SHTN1: variants seen among roughly 807,000 people sequenced by gnomAD.
SHTN1 encodes the protein shootin-1.
A neutral mutation model predicts 83.1 loss-of-function variants in SHTN1; 42 were observed. The observed-to-expected ratio is 0.51, with a 90% CI of 0.39 to 0.65. The LOEUF (loss-of-function observed/expected upper bound fraction) is 0.65, where lower values mean the gene tolerates loss of function less well. Ranked by LOEUF, SHTN1 falls within the 30% of genes least tolerant of loss-of-function variation. SHTN1 has a pLI of 0.00. For synonymous variants in SHTN1, 224 were observed against 247.7 expected (o/e 0.90, Z 0.90); for missense variants, 622 against 737.8 (o/e 0.84, Z 1.82).
In SHTN1 at chr10:116,881,583, G is replaced by T. The variant is rs554613098; in HGVS notation, c.*4761C>A. The T allele has an allele frequency of 1.9e-6, 3 of 1,550,384 alleles. No individual in the cohort carries two copies. In the African/African-American group the frequency reaches 4.1e-5, roughly 21 times the overall value. ...TGAAAAGGCTGCGGAGGCACTTGAG[G>T]CTGCTGCGGCTAGGGAGCCGCTGGT... is the stretch of plus-strand genomic sequence containing the variant. On this transcript the variant is annotated 3_prime_UTR_variant, in exon 17 of 17. Coordinates refer to ENST00000355371, the MANE Select transcript of SHTN1 (RefSeq NM_001127211.3).
At chr10:117,093,877 G>C (rs1853469622) in intron 1 of SHTN1, among the ~76,000 whole-genome samples, 1 of 152,158 alleles carries the variant, frequency 6.6e-6, no homozygotes, top group South Asian at 2.1e-4. Context: ...TTTCTGTCAA[G>C]GGTAGTTGTG....
intron 16 of SHTN1, among the ~76,000 whole-genome samples, chr10:116,898,966 A>G (rs1414021688): frequency 6.6e-6 from 1 of 152,212 alleles, no homozygotes; most frequent in Non-Finnish European, 1.5e-5. Context: ...GAATTTATTG[A>G]AAGAAAAAAA....
chr10:116,908,502 T>C (rs1282399293), intron 14 of SHTN1, among the ~76,000 whole-genome samples: 1 of 152,142 alleles, frequency 6.6e-6, no homozygotes, highest in African/African-American at 2.4e-5. Context: ...TATTCCCATA[T>C]CATTTGTATT....
At chr10:117,024,604 C>T (rs1188839325) in intron 2 of SHTN1, among the ~76,000 whole-genome samples, 1 of 151,878 alleles carries the variant, frequency 6.6e-6, no homozygotes, top group Non-Finnish European at 1.5e-5. Flanking sequence ...GTGATCCGCC[C>T]GCCTCAGCCT....
At chr10:116,895,829 T>G (rs1847497885) in intron 16 of SHTN1, among the ~76,000 whole-genome samples, 1 of 152,220 alleles carries the variant, frequency 6.6e-6, no homozygotes. Context: ...GTTGTTTACC[T>G]CACTGAGCCT....
intron 1 of SHTN1, among the ~76,000 whole-genome samples, chr10:117,118,068 A>C (rs1853873473): frequency 6.6e-6 from 1 of 152,210 alleles, no homozygotes. Context: ...AAGCTTCTGC[A>C]CAGCAAAGGA....
chr10:117,120,391 G>A (rs1399824197), intron 1 of SHTN1, among the ~76,000 whole-genome samples: 1 of 151,520 alleles, frequency 6.6e-6, no homozygotes, highest in Non-Finnish European at 1.5e-5. Flanking sequence ...GGGACTACAG[G>A]CACCCGCCAC....
chr10:116,945,426 T>G (rs1849541159), intron 7 of SHTN1, among the ~76,000 whole-genome samples: 1 of 152,194 alleles, frequency 6.6e-6, no homozygotes, highest in Non-Finnish European at 1.5e-5. Context: ...ACTTAGTAAA[T>G]GGAAAGACAT....
At chr10:117,012,012 G>A (rs1325440041) in intron 2 of SHTN1, among the ~76,000 whole-genome samples, 1 of 151,804 alleles carries the variant, frequency 6.6e-6, no homozygotes, top group Non-Finnish European at 1.5e-5. Flanking sequence ...TGGTGGCGGG[G>A]CCTGTAGTCC....
In SHTN1 at chr10:116,886,091, C is replaced by A; in HGVS notation, c.*253G>T. 1 of 513,132 alleles carries A rather than the reference C, an allele frequency of 1.9e-6. No homozygotes were observed. The highest frequency in any genetic ancestry group is 3.4e-6 in the Non-Finnish European group (1 of 294,130). The allele number at this position is 513,132 out of a possible 1,614,324, so 31.8% of individuals were successfully genotyped here. On this transcript the variant is annotated 3_prime_UTR_variant, in exon 17 of 17. Transcript: ENST00000355371. ...TTGTAACCTTCTAAAAGAAGTCATACTTAATACAGTAACTAGGAAAAAAAC... is the reference window on the plus strand; with the variant it reads ...TTGTAACCTTCTAAAAGAAGTCATAATTAATACAGTAACTAGGAAAAAAAC...
chr10:116,988,380 T>C (rs1215242453), intron 1 of SHTN1, among the ~76,000 whole-genome samples: 1 of 151,672 alleles, frequency 6.6e-6, no homozygotes, highest in African/African-American at 2.4e-5. Context: ...GAATCAAGCC[T>C]AAAGGATCTT....
intron 1 of SHTN1, among the ~76,000 whole-genome samples, chr10:117,065,256 TG>T (rs1421935653): frequency 5.3e-5 from 8 of 152,092 alleles, no homozygotes; most frequent in Admixed American, 2.0e-4. Context: ...AAAACCACCA[TG>T]GCATGTGTGT....
At chr10:116,900,461 A>G in intron 16 of SHTN1, 3 of 1,289,322 alleles carry the variant, frequency 2.3e-6, no homozygotes, top group African/African-American at 2.9e-5. Flanking sequence ...TTTCTTGGAA[A>G]TGTAATTTCC....
rs1468579942 is a variant in SHTN1 at position 116,913,343 on chromosome 10, G to A, written c.1306-1500C>T. Among the ~76,000 whole-genome samples the A allele has an allele frequency of 3.3e-5, 5 of 152,296 alleles. No individual in the cohort carries two copies. In the East Asian group the frequency reaches 9.7e-4, roughly 29 times the overall value. On this transcript the variant is annotated intron_variant, in intron 13 of 16. Transcript: ENST00000355371. ...AGACGTCTGTCCTCAAGCATGCAGT[G>A]ACAATTTGTTTTAAAGGTTATTGAC...
At chr10:116,899,546 T>TGTGAGA (rs1311755308) in intron 16 of SHTN1, among the ~76,000 whole-genome samples, 4 of 123,898 alleles carry the variant, frequency 3.2e-5, no homozygotes, top group African/African-American at 1.2e-4. Context: ...TGTGTGTGTG[T>TGTGAGA]GAGAGAGTGC....
chr10:116,891,480 G>A (rs763073849), intron 16 of SHTN1, among the ~76,000 whole-genome samples: 41 of 152,128 alleles, frequency 2.7e-4, no homozygotes, highest in African/African-American at 5.3e-4. Flanking sequence ...GGATAAAACC[G>A]CAACCATATT....
chr10:116,890,684 C>A (rs747490597), intron 16 of SHTN1, among the ~76,000 whole-genome samples: 2 of 152,190 alleles, frequency 1.3e-5, no homozygotes, highest in African/African-American at 4.8e-5. Flanking sequence ...ACTTGGGTGA[C>A]CTTTTAGAAA....
chr10:116,927,747 G>A, intron 11 of SHTN1, 45 bp downstream of exon 11: 1 of 1,461,506 alleles, frequency 6.8e-7, no homozygotes, highest in East Asian at 2.6e-5. Context: ...ACAATCTGAT[G>A]GAGAAGAACA....
intron 1 of SHTN1, among the ~76,000 whole-genome samples, chr10:117,065,860 G>C (rs956020314): frequency 2.0e-5 from 2 of 97,898 alleles, no homozygotes; most frequent in African/African-American, 9.1e-5. Flanking sequence ...AAGGAAAGGA[G>C]GGAGGGAGGG....
Sources: allele counts gnomAD v4.1 joint callset (sites outside exome capture counted in the v4.1 genomes callset), GRCh38; gene constraint gnomAD v4.1.1; transcripts MANE v1.5; gene names NCBI Gene and HGNC (gene_info 2026-07-23, HGNC 2026-07-21).